PCNX2: variants seen among roughly 807,000 people sequenced by gnomAD.
PCNX2 encodes pecanex-like protein 2.
In PCNX2, 168 loss-of-function variants were observed where a neutral mutation model predicts 223.8. That is an observed-to-expected ratio of 0.75 (90% CI 0.66 to 0.85). PCNX2 has a LOEUF of 0.85. Ranked by LOEUF, PCNX2 falls within the 40% of genes least tolerant of loss-of-function variation. The pLI is 0.00. For missense variants in PCNX2, 2,507 were observed against 2,675.5 expected (o/e 0.94, Z 1.39); for synonymous variants, 1,006 against 1,052.6 (o/e 0.96, Z 0.86).
chr1:233,122,442 C>T (rs2102738601), intron 21 of PCNX2, among the ~76,000 whole-genome samples: 1 of 151,878 alleles, frequency 6.6e-6, no homozygotes, highest in Non-Finnish European at 1.5e-5. Context: ...GGTAACATTG[C>T]AGTGGAAAAA....
At chr1:233,221,139 T>C (rs1415384745) in intron 10 of PCNX2, among the ~76,000 whole-genome samples, 1 of 151,954 alleles carries the variant, frequency 6.6e-6, no homozygotes, top group East Asian at 1.9e-4. Context: ...AAAGATAACA[T>C]AGAAATATAT....
At chr1:233,188,046 C>T (rs769288876) in intron 15 of PCNX2, among the ~76,000 whole-genome samples, 7 of 152,296 alleles carry the variant, frequency 4.6e-5, no homozygotes, top group East Asian at 3.9e-4. Flanking sequence ...TTTCTATTGC[C>T]GTGTAACAAA....
intron 21 of PCNX2, among the ~76,000 whole-genome samples, chr1:233,131,239 A>T (rs1676486043): frequency 6.6e-6 from 1 of 152,208 alleles, no homozygotes; most frequent in Admixed American, 6.5e-5. Flanking sequence ...AAGACCTGTC[A>T]TGAGCAAGAC....
At chr1:233,018,350 T>C (rs886558110) in intron 26 of PCNX2, among the ~76,000 whole-genome samples, 11 of 152,126 alleles carry the variant, frequency 7.2e-5, no homozygotes, top group African/African-American at 1.7e-4. Flanking sequence ...ATGGAAAGCA[T>C]TGACAATGTG....
At chr1:233,054,927 G>C (rs1672137237) in intron 24 of PCNX2, among the ~76,000 whole-genome samples, 2 of 152,112 alleles carry the variant, frequency 1.3e-5, no homozygotes, top group African/African-American at 4.8e-5. Context: ...ACTATTCTAT[G>C]AGTCTTGAAA....
chr1:233,106,874 G>A (rs1185483112), intron 21 of PCNX2, among the ~76,000 whole-genome samples: 2 of 152,028 alleles, frequency 1.3e-5, no homozygotes, highest in Non-Finnish European at 2.9e-5. Context: ...ATTGTCCTGA[G>A]ATTTTTCTAT....
At chr1:233,093,046 T>A (rs531298124) in intron 22 of PCNX2, among the ~76,000 whole-genome samples, 10 of 152,182 alleles carry the variant, frequency 6.6e-5, no homozygotes, top group African/African-American at 1.4e-4. Context: ...TGATCTGCCC[T>A]CCTTGGCCTC....
At chr1:233,236,705 G>T in intron 9 of PCNX2, 140 bp downstream of exon 9, 1 of 1,213,134 alleles carries the variant, frequency 8.2e-7, no homozygotes, top group Non-Finnish European at 1.2e-6. Context: ...AGACTGCCTT[G>T]CAGTGATATA....
chr1:233,118,689 T>A, intron 21 of PCNX2, among the ~76,000 whole-genome samples: 1 of 152,120 alleles, frequency 6.6e-6, no homozygotes, highest in South Asian at 2.1e-4. Flanking sequence ...AAGCTAAAAG[T>A]TAAAAAAACT....
At chr1:233,063,456 T>C (rs984408734) in intron 23 of PCNX2, among the ~76,000 whole-genome samples, 1 of 151,900 alleles carries the variant, frequency 6.6e-6, no homozygotes, top group Non-Finnish European at 1.5e-5. Flanking sequence ...AAAATAGGAG[T>C]ACAACTACAT....
At chr1:233,225,313 T>A (rs1466490934) in intron 10 of PCNX2, among the ~76,000 whole-genome samples, 1 of 152,146 alleles carries the variant, frequency 6.6e-6, no homozygotes, top group East Asian at 1.9e-4. Flanking sequence ...ACTCTTTCAA[T>A]GACTAAATTG....
intron 23 of PCNX2, among the ~76,000 whole-genome samples, chr1:233,081,422 GTA>G (rs1339690448): frequency 6.6e-6 from 1 of 152,332 alleles, no homozygotes; most frequent in Admixed American, 6.5e-5. Flanking sequence ...GCCTGAGACT[GTA>G]TTCAGAACCT....
At chr1:233,107,186 T>TACACACAC (rs112899127) in intron 21 of PCNX2, among the ~76,000 whole-genome samples, 12 of 112,712 alleles carry the variant, frequency 1.1e-4, no homozygotes, top group African/African-American at 3.7e-4. Flanking sequence ...ACATGTATTA[T>TACACACAC]ACACACACAC....
At chr1:233,106,007 A>C (rs1287655498) in intron 21 of PCNX2, among the ~76,000 whole-genome samples, 1 of 152,106 alleles carries the variant, frequency 6.6e-6, no homozygotes, top group Non-Finnish European at 1.5e-5. Flanking sequence ...TAGCTTAAGG[A>C]TGTATGGGGA....
intron 1 of PCNX2, among the ~76,000 whole-genome samples, chr1:233,267,836 C>A (rs1363485495): frequency 6.6e-6 from 1 of 152,172 alleles, no homozygotes; most frequent in African/African-American, 2.4e-5. Flanking sequence ...CATGGGTGTA[C>A]ACATATCTGA....
chr1:233,215,681 A>C (rs1682081465), intron 12 of PCNX2, among the ~76,000 whole-genome samples: 1 of 152,220 alleles, frequency 6.6e-6, no homozygotes, highest in Non-Finnish European at 1.5e-5. Context: ...AGCGACACTG[A>C]AGTGCAGTTA....
intron 25 of PCNX2, among the ~76,000 whole-genome samples, chr1:233,032,534 C>A (rs1034597484): frequency 1.3e-5 from 2 of 152,076 alleles, no homozygotes; most frequent in Admixed American, 6.5e-5. Context: ...CTTCCTTATT[C>A]TTCTATCCAG....
At chr1:233,073,152 T>A (rs1457946741) in intron 23 of PCNX2, among the ~76,000 whole-genome samples, 1 of 152,202 alleles carries the variant, frequency 6.6e-6, no homozygotes, top group Non-Finnish European at 1.5e-5. Flanking sequence ...CTCCATTTCA[T>A]CTAGGTTACC....
rs370354806 is a variant in PCNX2 at position 233,258,908 on chromosome 1, G to A, written c.954C>T (p.Ile318=). 6.4e-5 allele frequency: 103 copies of A among 1,613,760 alleles called. No homozygotes were observed. Among genetic ancestry groups the A allele is most frequent in the Non-Finnish European group, 8.3e-5 (98 of 1,179,892 alleles). The change falls in exon 5 of 34, where the codon ATC becomes ATT. Residue 318 remains isoleucine (I), a synonymous_variant. Coordinates refer to ENST00000258229, the MANE Select transcript of PCNX2 (RefSeq NM_014801.4). ...LSSSCPQCDT[I]VAKPVEEPAD... ...CTGGCTCCTCCACAGGCTTGGCCAC[G>A]ATGGTGTCACATTGAGGGCAGCTGC...
Sources: gnomAD v4.1 joint callset for allele counts (sites outside exome capture counted in the v4.1 genomes callset) on GRCh38, gnomAD v4.1.1 for gene constraint, MANE v1.5 for transcripts, NCBI Gene and HGNC (gene_info 2026-07-23, HGNC 2026-07-21) for gene names.